PEX5L: variants seen among roughly 807,000 people sequenced by gnomAD.
PEX5L encodes the protein PEX5-related protein.
PEX5L carries 30 observed loss-of-function variants against 84.0 expected under a neutral mutation model. That is an observed-to-expected ratio of 0.36 (90% CI 0.27 to 0.48). The LOEUF is 0.48. PEX5L is among the 20% of genes least tolerant of loss of function. PEX5L has a pLI of 0.99. For missense variants in PEX5L, 533 were observed against 754.6 expected, an observed-to-expected ratio of 0.71 and a Z score of 3.44; for synonymous variants, 270 against 283.1, an observed-to-expected ratio of 0.95 and a Z score of 0.46.
intron 7 of PEX5L, among the ~76,000 whole-genome samples, chr3:179,870,449 G>A (rs896549544): frequency 9.3e-5 from 13 of 140,270 alleles, no homozygotes; most frequent in Non-Finnish European, 1.3e-4. Context: ...CAAACTCCTC[G>A]GGGAGATGGA....
Position 179,898,144 on chromosome 3 carries a change from G to T in PEX5L, c.196C>A (p.Gln66Lys). ...AGAAACCCTATGGGTCTGCCCACCT[G>T]TGATGTCATAGTAAGGAGGGGCTTT... Reference protein sequence around the residue: ...EEKPLLTMTSQLVNEQQESRP... With the variant: ...EEKPLLTMTSKLVNEQQESRP... The change falls in exon 3 of 15, where the codon CAG becomes AAG. Residue 66 changes from glutamine (Q) to lysine (K), a missense_variant and splice_region_variant. Coordinates refer to ENST00000467460, the MANE Select transcript of PEX5L (RefSeq NM_016559.3). The T allele has an allele frequency of 6.3e-7, 1 of 1,599,794 alleles. No homozygotes were observed. Among genetic ancestry groups the T allele is most frequent in the Non-Finnish European group, 8.6e-7 (1 of 1,167,208 alleles).
Position 179,854,339 on chromosome 3 carries a change from GTA to G in PEX5L, c.822+4721_822+4722del, listed in dbSNP as rs559818850. Among the ~76,000 whole-genome samples, 11 of 152,102 alleles carry G rather than the reference GTA, an allele frequency of 7.2e-5. No homozygotes were observed. The East Asian group carries it at 1.9e-3, about 27-fold the overall frequency. On this transcript the variant is annotated intron_variant, in intron 8 of 14. Coordinates refer to ENST00000467460, the MANE Select transcript of PEX5L (RefSeq NM_016559.3). The stretch of plus-strand genomic sequence containing the variant: ...TGTCTTTTCTCCAACAGTGGATAAT[GTA>G]TTTTAGGGCACTTCAGCCAAAAACT...
intron 2 of PEX5L, among the ~76,000 whole-genome samples, chr3:179,899,513 T>C (rs1760565935): frequency 6.6e-6 from 1 of 152,098 alleles, no homozygotes; most frequent in African/African-American, 2.4e-5. Context: ...ATCGTTTCCA[T>C]GCAACAAAAA....
At chr3:179,836,733 CT>C (rs1237787140) in intron 8 of PEX5L, among the ~76,000 whole-genome samples, 3 of 152,162 alleles carry the variant, frequency 2.0e-5, no homozygotes, top group Non-Finnish European at 4.4e-5. Context: ...GTGGTTTTGT[CT>C]TTTGACAGTA....
At chr3:179,964,283 C>T (rs1435543792) in intron 2 of PEX5L, among the ~76,000 whole-genome samples, 1 of 151,998 alleles carries the variant, frequency 6.6e-6, no homozygotes, top group East Asian at 1.9e-4. Context: ...GGTTAGTTTG[C>T]TTAGGAAAAT....
At chr3:179,955,771 T>C (rs2110030101) in intron 2 of PEX5L, among the ~76,000 whole-genome samples, 1 of 152,280 alleles carries the variant, frequency 6.6e-6, no homozygotes, top group Non-Finnish European at 1.5e-5. Flanking sequence ...AGTATTCACT[T>C]TTTTCTTATT....
rs1390284187 is a variant in PEX5L, at chr3:179,796,149, A to C, written c.*5679T>G. On this transcript the variant is annotated 3_prime_UTR_variant, in exon 15 of 15. Coordinates refer to ENST00000467460, the MANE Select transcript of PEX5L (RefSeq NM_016559.3). ...CCTCTTAGTCTTTTTGTGTTATACCATTTCCCTTTCCAAGAAATCCAAAGA... is the reference window on the plus strand; with the variant it reads ...CCTCTTAGTCTTTTTGTGTTATACCCTTTCCCTTTCCAAGAAATCCAAAGA... 6.6e-6 allele frequency: 1 copy of C among 152,096 alleles called. No individual in the cohort carries two copies. Among genetic ancestry groups the C allele is most frequent in the African/African-American group, 2.4e-5 (1 of 41,386 alleles). The allele number at this position is 152,096 out of a possible 1,614,324, so 9.4% of individuals were successfully genotyped here.
intron 3 of PEX5L, among the ~76,000 whole-genome samples, chr3:179,893,443 T>C (rs1015907524): frequency 5.9e-5 from 9 of 152,160 alleles, no homozygotes; most frequent in Non-Finnish European, 1.2e-4. Context: ...GTTTATATTG[T>C]TTGTTTTGTG....
chr3:180,021,262 A>G (rs1308980039), intron 1 of PEX5L, among the ~76,000 whole-genome samples: 4 of 152,218 alleles, frequency 2.6e-5, no homozygotes, highest in African/African-American at 9.6e-5. Context: ...GACATGTTCA[A>G]AATCTAGTAA....
At chr3:179,816,130 C>G in intron 9 of PEX5L, 126 bp from the exon 10 acceptor site, 1 of 862,598 alleles carries the variant, frequency 1.2e-6, no homozygotes, top group Non-Finnish European at 1.8e-6. Flanking sequence ...AACAGGAACA[C>G]TTTTACACTG....
intron 2 of PEX5L, among the ~76,000 whole-genome samples, chr3:179,902,446 T>C (rs1761718907): frequency 6.6e-6 from 1 of 152,226 alleles, no homozygotes; most frequent in Non-Finnish European, 1.5e-5. Context: ...AATATCTTCT[T>C]TCTCTAGTCT....
At chr3:179,918,378 G>C (rs1768013608) in intron 2 of PEX5L, among the ~76,000 whole-genome samples, 1 of 152,188 alleles carries the variant, frequency 6.6e-6, no homozygotes, top group African/African-American at 2.4e-5. Flanking sequence ...GTAAAATCCA[G>C]GATTTGGGGA....
chr3:179,844,169 G>A (rs775594460), intron 8 of PEX5L, among the ~76,000 whole-genome samples: 1 of 152,204 alleles, frequency 6.6e-6, no homozygotes, highest in Non-Finnish European at 1.5e-5. Flanking sequence ...GAGTGCGTGT[G>A]TGCATGTGTG....
At chr3:179,804,951 T>C (rs1424266221) in intron 14 of PEX5L, among the ~76,000 whole-genome samples, 2 of 152,054 alleles carry the variant, frequency 1.3e-5, no homozygotes, top group Non-Finnish European at 2.9e-5. Flanking sequence ...AAACCCTGTG[T>C]CTACTAAAAA....
chr3:179,819,141 C>T (rs1000997560), intron 9 of PEX5L, among the ~76,000 whole-genome samples: 4 of 151,806 alleles, frequency 2.6e-5, no homozygotes, highest in African/African-American at 9.7e-5. Flanking sequence ...TATATCTTGG[C>T]TATTGTGATA....
At chr3:179,884,724 C>A (rs59018122) in intron 4 of PEX5L, among the ~76,000 whole-genome samples, 37,726 of 152,062 alleles carry the variant, frequency 0.25, 5,586 homozygotes, top group Non-Finnish European at 0.33. Flanking sequence ...AGGGTGCTGA[C>A]TTTATTGATA....
In PEX5L at chr3:179,797,605, A is replaced by AAATATATATATATATATATAT. The variant is rs1553807980; in HGVS notation, c.*4222_*4223insATATATATATATATATATATT. On this transcript the variant is annotated 3_prime_UTR_variant, in exon 15 of 15. Transcript: ENST00000467460. ...AACACTCTTTAAAAAAAAAAAAAAA[A>AAATATATATATATATATATAT]ATATATATATATATATATATATATA... The AAATATATATATATATATATAT allele has an allele frequency of 2.1e-4, 19 of 89,146 alleles. No homozygotes were observed. Among genetic ancestry groups the AAATATATATATATATATATAT allele is most frequent in the African/African-American group, 8.6e-4 (19 of 22,204 alleles). The allele number at this position is 89,146 out of a possible 1,614,324, so 5.5% of individuals were successfully genotyped here.
intron 3 of PEX5L, chr3:179,888,127 A>C: frequency 7.7e-7 from 1 of 1,291,274 alleles, no homozygotes; most frequent in South Asian, 1.2e-5. Context: ...CACCTGGACA[A>C]AAGCTCCTAC....
At chr3:179,911,548 T>C (rs1187962441) in intron 2 of PEX5L, among the ~76,000 whole-genome samples, 1 of 152,194 alleles carries the variant, frequency 6.6e-6, no homozygotes, top group Admixed American at 6.5e-5. Flanking sequence ...TCTAATAATA[T>C]TATAAATCAG....
Sources: allele counts gnomAD v4.1 joint callset (sites outside exome capture counted in the v4.1 genomes callset), GRCh38; gene constraint gnomAD v4.1.1; transcripts MANE v1.5; gene names NCBI Gene and HGNC (gene_info 2026-07-23, HGNC 2026-07-21).